Variants in PTPRT observed in about 807,000 individuals in gnomAD.
PTPRT encodes the protein receptor-type tyrosine-protein phosphatase T.
Under a neutral mutation model 176.8 loss-of-function variants are expected in PTPRT, and 56 were observed. The ratio of observed to expected loss-of-function variants is 0.32; its 90% CI spans 0.26 to 0.40. The LOEUF (loss-of-function observed/expected upper bound fraction) is 0.40, where lower values mean the gene tolerates loss of function less well. Ranked by LOEUF, PTPRT falls within the 10% of genes least tolerant of loss-of-function variation. The pLI is 1.00. For missense variants in PTPRT, 1,540 were observed against 1,908.2 expected (o/e 0.81, Z 3.60); for synonymous variants, 783 against 739.0 (o/e 1.06, Z -0.96).
In PTPRT at chr20:42,371,669, C is replaced by A. The variant is rs547714780; in HGVS notation, c.1561-19384G>T. On this transcript the variant is annotated intron_variant, in intron 9 of 30. Coordinates refer to ENST00000373187, the MANE Select transcript of PTPRT (RefSeq NM_007050.6). ...TCAGTGCCCAGGGCTGTTCTCCAGC[C>A]CCAAATTGCCAAGCCCAGTGCCTGA... 1.3e-4 allele frequency among the ~76,000 whole-genome samples: 20 copies of A among 152,276 alleles called. No homozygotes were observed. In the South Asian group the frequency reaches 4.1e-3, roughly 32 times the overall value.
chr20:42,127,327 A>G (rs1338751795), intron 19 of PTPRT, among the ~76,000 whole-genome samples: 2 of 152,150 alleles, frequency 1.3e-5, no homozygotes, highest in Non-Finnish European at 1.5e-5. Context: ...TGCCCAAGGA[A>G]GGGAGTGAGA....
intron 7 of PTPRT, among the ~76,000 whole-genome samples, chr20:42,480,122 A>T (rs1482917172): frequency 6.6e-6 from 1 of 152,232 alleles, no homozygotes; most frequent in East Asian, 1.9e-4. Flanking sequence ...GCATGGAGGC[A>T]TCATGACATG....
chr20:43,161,596 G>A (rs988377563), intron 1 of PTPRT, among the ~76,000 whole-genome samples: 1 of 152,030 alleles, frequency 6.6e-6, no homozygotes, highest in South Asian at 2.1e-4. Context: ...CAACCCAGAC[G>A]CTCCAAATGC....
chr20:42,824,925 T>C (rs2903614), intron 2 of PTPRT, among the ~76,000 whole-genome samples: 11,158 of 151,920 alleles, frequency 0.073, 408 homozygotes, highest in East Asian at 0.11. Flanking sequence ...ATATGGAAAA[T>C]ATAAAAATGT....
At chr20:42,691,211 C>T (rs144499677) in intron 6 of PTPRT, among the ~76,000 whole-genome samples, 3 of 152,264 alleles carry the variant, frequency 2.0e-5, no homozygotes, top group East Asian at 3.9e-4. Flanking sequence ...CAGTAGCTGC[C>T]ATAGCAGAAC....
chr20:42,326,891 C>T (rs1201304391), intron 11 of PTPRT, among the ~76,000 whole-genome samples: 3 of 150,860 alleles, frequency 2.0e-5, no homozygotes, highest in African/African-American at 4.9e-5. Context: ...ATGTGGATGG[C>T]CATAATTTGA....
At chr20:42,049,886 G>T in the PTPRT span, among the ~76,000 whole-genome samples, 1 of 152,160 alleles carries the variant, frequency 6.6e-6, no homozygotes, top group South Asian at 2.1e-4. Flanking sequence ...TTGAGGGGAG[G>T]CAAGAGCAGA....
chr20:43,182,873 C>T (rs1364221473), intron 1 of PTPRT, among the ~76,000 whole-genome samples: 1 of 152,172 alleles, frequency 6.6e-6, no homozygotes, highest in Non-Finnish European at 1.5e-5. Flanking sequence ...AACGTTGCAT[C>T]TGCTCCTGAT....
chr20:42,723,485 G>T (rs1297571643), intron 6 of PTPRT, among the ~76,000 whole-genome samples: 1 of 152,176 alleles, frequency 6.6e-6, no homozygotes, highest in Non-Finnish European at 1.5e-5. Context: ...GTGGCTGGTG[G>T]GCCAGATGTA....
intron 2 of PTPRT, among the ~76,000 whole-genome samples, chr20:42,852,877 G>A (rs912345039): frequency 2.0e-5 from 3 of 152,172 alleles, no homozygotes; most frequent in Non-Finnish European, 2.9e-5. Flanking sequence ...GTGAACACAA[G>A]TTCACTCAGA....
chr20:42,532,686 A>G (rs1190707750), intron 7 of PTPRT, among the ~76,000 whole-genome samples: 1 of 152,172 alleles, frequency 6.6e-6, no homozygotes, highest in Non-Finnish European at 1.5e-5. Flanking sequence ...ATAACTAAAG[A>G]GGCCCTGAGG....
chr20:42,677,518 C>G (rs2075526401), intron 7 of PTPRT, among the ~76,000 whole-genome samples: 1 of 152,076 alleles, frequency 6.6e-6, no homozygotes, highest in South Asian at 2.1e-4. Flanking sequence ...TAGAAAGCCT[C>G]AGACATACAA....
intron 7 of PTPRT, among the ~76,000 whole-genome samples, chr20:42,550,132 G>A (rs2072742238): frequency 6.6e-6 from 1 of 152,072 alleles, no homozygotes; most frequent in African/African-American, 2.4e-5. Context: ...CCTTGCTTTT[G>A]TGAATTGTCA....
chr20:42,784,493 A>G (rs542862941), intron 3 of PTPRT, among the ~76,000 whole-genome samples: 2 of 152,252 alleles, frequency 1.3e-5, no homozygotes, highest in Non-Finnish European at 2.9e-5. Flanking sequence ...TGTATAAGAC[A>G]AGGAGGAGGA....
At chr20:43,083,331 T>TACATAC (rs1357728570) in intron 1 of PTPRT, among the ~76,000 whole-genome samples, 1 of 94,152 alleles carries the variant, frequency 1.1e-5, no homozygotes, top group Non-Finnish European at 2.0e-5. Context: ...TATATATATA[T>TACATAC]ATATATATAT....
intron 2 of PTPRT, among the ~76,000 whole-genome samples, chr20:42,871,897 C>T (rs2078852359): frequency 6.6e-6 from 1 of 152,200 alleles, no homozygotes; most frequent in Non-Finnish European, 1.5e-5. Context: ...ATGGACACAT[C>T]ATGCTTATAT....
chr20:42,502,342 A>G (rs1475300095), intron 7 of PTPRT, among the ~76,000 whole-genome samples: 1 of 151,542 alleles, frequency 6.6e-6, no homozygotes, highest in Non-Finnish European at 1.5e-5. Context: ...TCCCTACAGT[A>G]TCCACTTCCA....
intron 1 of PTPRT, among the ~76,000 whole-genome samples, chr20:42,966,710 C>T (rs961770615): frequency 5.9e-5 from 9 of 152,158 alleles, no homozygotes; most frequent in African/African-American, 1.7e-4. Context: ...ACATTATTAA[C>T]GGCAGCTGGG....
chr20:42,350,090 A>G (rs1377408333), intron 11 of PTPRT, among the ~76,000 whole-genome samples: 1 of 152,094 alleles, frequency 6.6e-6, no homozygotes, highest in Admixed American at 6.5e-5. Context: ...CAGTGACACA[A>G]AGAAAAGTGA....
Sources: allele counts gnomAD v4.1 joint callset (sites outside exome capture counted in the v4.1 genomes callset), GRCh38; gene constraint gnomAD v4.1.1; transcripts MANE v1.5; gene names NCBI Gene and HGNC (gene_info 2026-07-23, HGNC 2026-07-21).